The following PAM variants were observed in gnomAD, a reference collection of about 807,000 sequenced individuals.
The protein encoded by PAM is peptidyl-glycine alpha-amidating monooxygenase.
PAM carries 72 observed loss-of-function variants against 122.1 expected under a neutral mutation model. That is an observed-to-expected ratio of 0.59 (90% confidence interval 0.49 to 0.72). PAM has a LOEUF of 0.72. Among genes scored for constraint, PAM ranks in the 30% least tolerant of loss-of-function variants. The probability of loss-of-function intolerance (pLI) is 0.00; values close to 1 mark genes in which losing one functional copy is unlikely to be tolerated. For synonymous variants in PAM, 389 were observed against 404.4 expected (o/e 0.96, Z 0.46); for missense variants, 1,106 against 1,183.7 (o/e 0.93, Z 0.96).
chr5:102,881,707 A>C (rs1312962122), intron 3 of PAM, among the ~76,000 whole-genome samples: 1 of 149,360 alleles, frequency 6.7e-6, no homozygotes, highest in Admixed American at 6.7e-5. Flanking sequence ...TTTTTTCAAT[A>C]GGTTTTGGGG....
At chr5:103,007,140 TG>T in intron 19 of PAM, 129 bp downstream of exon 19, 1 of 666,000 alleles carries the variant, frequency 1.5e-6, no homozygotes. Context: ...CCTGGGTCAT[TG>T]TATGCATCCA....
intron 14 of PAM, among the ~76,000 whole-genome samples, chr5:102,963,979 A>G (rs968400933): frequency 4.0e-5 from 6 of 151,404 alleles, no homozygotes; most frequent in Admixed American, 6.6e-5. Context: ...AGAAAGAAGA[A>G]ATGACCTTTA....
chr5:102,877,890 C>T (rs114269410), intron 3 of PAM, among the ~76,000 whole-genome samples: 2 of 151,680 alleles, frequency 1.3e-5, no homozygotes, highest in Non-Finnish European at 2.9e-5. Context: ...ATTAGCTGGG[C>T]GTGGTGGTGT....
At chr5:102,955,374 A>T (rs1407897181) in intron 12 of PAM, among the ~76,000 whole-genome samples, 1 of 152,104 alleles carries the variant, frequency 6.6e-6, no homozygotes, top group South Asian at 2.1e-4. Flanking sequence ...GAAATCCCAC[A>T]GATCAATTGA....
chr5:102,898,842 T>G (rs962734121), intron 3 of PAM, among the ~76,000 whole-genome samples: 1 of 151,762 alleles, frequency 6.6e-6, no homozygotes, highest in African/African-American at 2.4e-5. Context: ...AGTGCTTTAA[T>G]AACCTGGTAC....
intron 16 of PAM, among the ~76,000 whole-genome samples, chr5:103,000,867 T>C (rs12659870): frequency 0.33 from 50,910 of 152,036 alleles, 8,730 homozygotes; most frequent in East Asian, 0.44. Context: ...TCCCATGACA[T>C]GTGGGGATTA....
chr5:102,885,449 T>C (rs1056362460), intron 3 of PAM, among the ~76,000 whole-genome samples: 2 of 152,002 alleles, frequency 1.3e-5, no homozygotes, highest in Admixed American at 1.3e-4. Context: ...GCAGTTGTAG[T>C]TTCATCTATT....
chr5:102,942,569 G>C (rs1240743401), intron 7 of PAM, among the ~76,000 whole-genome samples: 1 of 151,288 alleles, frequency 6.6e-6, no homozygotes, highest in East Asian at 1.9e-4. Context: ...AGAATTATTT[G>C]CTTCCAAATT....
At chr5:102,843,380 G>T (rs1580831075) in intron 1 of PAM, among the ~76,000 whole-genome samples, 1 of 152,084 alleles carries the variant, frequency 6.6e-6, no homozygotes, top group Non-Finnish European at 1.5e-5. Context: ...ACACAAAATA[G>T]ATCACAGAGT....
intron 3 of PAM, among the ~76,000 whole-genome samples, chr5:102,872,927 G>C (rs1787990883): frequency 6.6e-6 from 1 of 152,084 alleles, no homozygotes; most frequent in African/African-American, 2.4e-5. Context: ...GAGGGTGGAG[G>C]GTGGACGGAG....
chr5:102,770,190 G>A (rs1454500215), intron 1 of PAM, among the ~76,000 whole-genome samples: 1 of 151,968 alleles, frequency 6.6e-6, no homozygotes, highest in Non-Finnish European at 1.5e-5. Context: ...ACTGATTTTT[G>A]TATGTTGGTC....
intron 1 of PAM, among the ~76,000 whole-genome samples, chr5:102,836,888 G>GAGAT (rs1554080606): frequency 6.6e-6 from 1 of 151,848 alleles, no homozygotes; most frequent in Non-Finnish European, 1.5e-5. Flanking sequence ...GAGAGAGAGA[G>GAGAT]AGAGAGAGAG....
At chr5:102,959,815 T>C in intron 12 of PAM, 60 bp from the exon 13 acceptor site, 2 of 1,119,106 alleles carry the variant, frequency 1.8e-6, no homozygotes, top group East Asian at 4.8e-5. Context: ...TCATTTTTCT[T>C]GCATTAAGCA....
chr5:102,894,961 C>T (rs929821145), intron 3 of PAM, among the ~76,000 whole-genome samples: 2 of 151,510 alleles, frequency 1.3e-5, no homozygotes, highest in Admixed American at 6.6e-5. Context: ...CTTCACTAAC[C>T]TCATCTGGTT....
At chr5:102,928,831 T>C (rs1370314748) in intron 7 of PAM, among the ~76,000 whole-genome samples, 1 of 152,174 alleles carries the variant, frequency 6.6e-6, no homozygotes, top group African/African-American at 2.4e-5. Context: ...AGTCTTGTTC[T>C]AGGCTTTTGT....
chr5:102,958,766 A>AT (rs1234277047), intron 12 of PAM, among the ~76,000 whole-genome samples: 1 of 151,960 alleles, frequency 6.6e-6, no homozygotes, highest in Non-Finnish European at 1.5e-5. Flanking sequence ...AAATATTTTT[A>AT]TTTTTTTCCT....
chr5:102,790,787 T>A (rs914669032), intron 1 of PAM, among the ~76,000 whole-genome samples: 2 of 152,084 alleles, frequency 1.3e-5, no homozygotes, highest in Non-Finnish European at 2.9e-5. Context: ...TTTCCCCCCA[T>A]TGTTTTCTTG....
chr5:103,011,091 C>T (rs1485473061), intron 21 of PAM, among the ~76,000 whole-genome samples: 1 of 152,008 alleles, frequency 6.6e-6, no homozygotes, highest in Non-Finnish European at 1.5e-5. Context: ...AAAAAACAAA[C>T]AAACAAAAAA....
chr5:102,979,533 A>AT (rs139495755), intron 15 of PAM, among the ~76,000 whole-genome samples: 8,987 of 152,074 alleles, frequency 0.059, 882 homozygotes, highest in African/African-American at 0.21. Context: ...TCTTCTAGTG[A>AT]TTTTTTTCAG....
Sources: allele counts gnomAD v4.1 joint callset (sites outside exome capture counted in the v4.1 genomes callset), GRCh38; gene constraint gnomAD v4.1.1; transcripts MANE v1.5; gene names NCBI Gene and HGNC (gene_info 2026-07-23, HGNC 2026-07-21).